ZFP91: variants seen among roughly 807,000 people sequenced by gnomAD.
The protein encoded by ZFP91 is E3 ubiquitin-protein ligase ZFP91.
In ZFP91, 7 loss-of-function variants were observed where a neutral mutation model predicts 63.5. That is an observed-to-expected ratio of 0.11 (90% CI 0.06 to 0.21). ZFP91 has a LOEUF of 0.21. Among genes scored for constraint, ZFP91 ranks in the 10% least tolerant of loss-of-function variants. ZFP91 has a pLI of 1.00. For missense variants in ZFP91, 628 were observed against 736.6 expected (o/e 0.85, Z 1.71); for synonymous variants, 330 against 272.1 (o/e 1.21, Z -2.10).
At position 58,621,266 on chromosome 11, in the gene ZFP91, A is replaced by G. The variant is rs941372074; in HGVS notation, c.*3560A>G. On this transcript the variant is annotated 3_prime_UTR_variant, in exon 11 of 11. Coordinates refer to ENST00000316059, the MANE Select transcript of ZFP91 (RefSeq NM_053023.5). Reference sequence around the variant, plus strand: ...AACTTGGAAATCTTGATGTTTTGACAACTGCCTCCTAGGAAAACTGGCCAT... The same window carrying G: ...AACTTGGAAATCTTGATGTTTTGACGACTGCCTCCTAGGAAAACTGGCCAT... 6.6e-6 allele frequency among the ~76,000 whole-genome samples: 1 copy of G among 152,152 alleles called. No homozygotes were observed. Among genetic ancestry groups the G allele is most frequent in the African/African-American group, 2.4e-5 (1 of 41,434 alleles).
chr11:58,598,065 C>T (rs1016257634), intron 2 of ZFP91, among the ~76,000 whole-genome samples: 1 of 152,146 alleles, frequency 6.6e-6, no homozygotes, highest in African/African-American at 2.4e-5. Flanking sequence ...ATACTTGAAA[C>T]AGCTGAGCTT....
At chr11:58,587,045 A>G (rs1294517725) in intron 2 of ZFP91, among the ~76,000 whole-genome samples, 1 of 152,214 alleles carries the variant, frequency 6.6e-6, no homozygotes, top group Non-Finnish European at 1.5e-5. Context: ...CACACAGAGT[A>G]GGCAACTTTC....
intron 2 of ZFP91, among the ~76,000 whole-genome samples, chr11:58,604,071 A>T (rs1855533008): frequency 6.6e-6 from 1 of 152,182 alleles, no homozygotes; most frequent in South Asian, 2.1e-4. Context: ...TGCACATTGG[A>T]AGGACATAAA....
In ZFP91 at chr11:58,601,943, A is replaced by G. The variant is rs561197838; in HGVS notation, c.371-7887A>G. Among the ~76,000 whole-genome samples the G allele has an allele frequency of 8.6e-5, 13 of 151,886 alleles. 1 individual carries two copies. In the East Asian group the frequency reaches 1.7e-3, roughly 20 times the overall value. ...CTGTGAATTTTTTTTTTCCCCCAAG[A>G]TGGAGTCTCGTTCTATCGCCCAGGC... On this transcript the variant is annotated intron_variant, in intron 2 of 10. Transcript: ENST00000316059.
rs1436525320 is a variant in ZFP91, at chr11:58,618,631, T to G, written c.*925T>G. 1.1e-5 allele frequency: 5 copies of G among 455,168 alleles called. No homozygotes were observed. Among genetic ancestry groups the G allele is most frequent in the Non-Finnish European group, 2.2e-5 (5 of 226,416 alleles). The allele number at this position is 455,168 out of a possible 1,614,324, so 28.2% of individuals were successfully genotyped here. On this transcript the variant is annotated 3_prime_UTR_variant, in exon 11 of 11. Coordinates refer to ENST00000316059, the MANE Select transcript of ZFP91 (RefSeq NM_053023.5). ...ATTTTGTGGGGCTGGGAGAGAGAGA[T>G]TAGATTATTTTGACATGGGATCCCT...
intron 2 of ZFP91, among the ~76,000 whole-genome samples, chr11:58,589,272 A>T (rs767234779): frequency 8.5e-5 from 13 of 152,096 alleles, no homozygotes; most frequent in Non-Finnish European, 1.5e-5. Context: ...ACAGGGTCTC[A>T]CTGTGTTGCC....
chr11:58,591,652 T>C (rs560871990), intron 2 of ZFP91, among the ~76,000 whole-genome samples: 6 of 152,230 alleles, frequency 3.9e-5, no homozygotes, highest in South Asian at 4.1e-4. Context: ...TGTATAGATT[T>C]GTTTTTTTTC....
intron 7 of ZFP91, 96 bp from the exon 8 acceptor site, chr11:58,612,666 A>G (rs1398972786): frequency 1.0e-5 from 9 of 896,788 alleles, no homozygotes; most frequent in African/African-American, 5.1e-5. Context: ...CTACTATAAA[A>G]TAGCTATTCC....
intron 2 of ZFP91, among the ~76,000 whole-genome samples, chr11:58,596,956 C>T (rs1446417876): frequency 1.3e-5 from 2 of 152,048 alleles, no homozygotes; most frequent in African/African-American, 2.4e-5. Context: ...TCTTATGACC[C>T]GCTGATTGGG....
rs1855834330 is a variant in ZFP91, at chr11:58,620,633, C to G, written c.*2927C>G. On this transcript the variant is annotated 3_prime_UTR_variant, in exon 11 of 11. Transcript: ENST00000316059. Reference sequence around the variant, plus strand: ...AAAATATCGAGGTATAGACTAGCATCCACATAGAGCACTTGAACCTCCTTT... The same window carrying G: ...AAAATATCGAGGTATAGACTAGCATGCACATAGAGCACTTGAACCTCCTTT... The G allele has an allele frequency of 6.6e-6, 1 of 152,578 alleles. No individual in the cohort carries two copies. Among genetic ancestry groups the G allele is most frequent in the Non-Finnish European group, 1.5e-5 (1 of 68,018 alleles). 9.5% of individuals were successfully genotyped at this position (152,578 alleles called of 1,614,324 possible).
rs374973993 is a variant in ZFP91, at chr11:58,617,070, T to TGTG, written c.1203-126_1203-125insGTG. 2.7e-5 allele frequency: 20 copies of TGTG among 740,516 alleles called. No individual in the cohort carries two copies. The African/African-American group carries it at 3.5e-4, about 13-fold the overall frequency. The allele number at this position is 740,516 out of a possible 1,614,324, so 45.9% of individuals were successfully genotyped here. On this transcript the variant is annotated intron_variant, in intron 10 of 10. Coordinates refer to ENST00000316059, the MANE Select transcript of ZFP91 (RefSeq NM_053023.5). This position sits in a 1 kb window ranked among gnomAD's most constrained non-coding sequence, Gnocchi z 4.2. ...TTCAAAAGAAGTATGTTACTGATTA[T>TGTG]TGTGTGTGTGTGTGTGTGTGTGTGT... is the stretch of plus-strand genomic sequence containing the variant.
intron 2 of ZFP91, among the ~76,000 whole-genome samples, chr11:58,589,949 ATAAT>A (rs1855276598): frequency 6.6e-6 from 1 of 152,226 alleles, no homozygotes; most frequent in African/African-American, 2.4e-5. Flanking sequence ...TAACTTTATA[ATAAT>A]TTGCCTATTA....
chr11:58,591,048 G>T (rs1855296290), intron 2 of ZFP91, among the ~76,000 whole-genome samples: 1 of 151,968 alleles, frequency 6.6e-6, no homozygotes, highest in Non-Finnish European at 1.5e-5. Flanking sequence ...TTATAAGTGG[G>T]TGGACCCAGG....
At chr11:58,613,406 C>T (rs1444891439) in intron 8 of ZFP91, among the ~76,000 whole-genome samples, 1 of 152,094 alleles carries the variant, frequency 6.6e-6, no homozygotes, top group East Asian at 1.9e-4. Flanking sequence ...TCCCGCCTTC[C>T]AACACTATCA....
intron 2 of ZFP91, among the ~76,000 whole-genome samples, chr11:58,595,396 GA>G (rs1855380007): frequency 6.6e-6 from 1 of 152,046 alleles, no homozygotes; most frequent in South Asian, 2.1e-4. Context: ...GATTATGTTA[GA>G]ATGGCCCTTC....
intron 2 of ZFP91, among the ~76,000 whole-genome samples, chr11:58,593,249 G>A (rs1855338887): frequency 6.6e-6 from 1 of 152,170 alleles, no homozygotes; most frequent in Non-Finnish European, 1.5e-5. Flanking sequence ...GAAACTCTAA[G>A]TTTATCTGTC....
chr11:58,617,642 A>T lies in ZFP91; in HGVS notation c.1649A>T (p.Asn550Ile). ...SSGGTEGLVM[N>I]SDILGATTEV... ...GGAGGCACTGAAGGGCTGGTTATGA[A>T]CTCAGATATACTCGGTGCTACCACA... Residue 550 changes from asparagine (N) to isoleucine (I), a missense_variant, in exon 11 of 11, where the codon AAC becomes ATC. By Grantham distance (149) the Asn-to-Ile change is moderately radical. This residue lies in a region of ZFP91 where 115 missense variants were observed against 125.4 expected (regional missense o/e 0.92). Coordinates refer to ENST00000316059, the MANE Select transcript of ZFP91 (RefSeq NM_053023.5). This position sits in a 1 kb window ranked among gnomAD's most constrained non-coding sequence, Gnocchi z 4.2. The T allele has an allele frequency of 6.4e-7, 1 of 1,561,346 alleles. No homozygotes were observed. The highest frequency in any genetic ancestry group is 8.7e-7 in the Non-Finnish European group (1 of 1,155,252).
chr11:58,609,563 A>C (rs1182167468), intron 2 of ZFP91, among the ~76,000 whole-genome samples: 9 of 152,192 alleles, frequency 5.9e-5, no homozygotes, highest in African/African-American at 2.2e-4. Flanking sequence ...ACTTAAGTGT[A>C]TTTTGCATAG....
At chr11:58,588,559 C>A (rs1162429736) in intron 2 of ZFP91, among the ~76,000 whole-genome samples, 1 of 152,046 alleles carries the variant, frequency 6.6e-6, no homozygotes, top group African/African-American at 2.4e-5. Flanking sequence ...TCATAGATTT[C>A]AACAGTTTTA....
Sources: gnomAD v4.1 joint callset for allele counts (sites outside exome capture counted in the v4.1 genomes callset) on GRCh38, gnomAD v4.1.1 for gene constraint, gnomAD v4.1.1 regional missense constraint, Gnocchi (gnomAD v3.1) non-coding constraint, MANE v1.5 for transcripts, NCBI Gene and HGNC (gene_info 2026-07-23, HGNC 2026-07-21) for gene names.